Variants in TRPM6 observed in about 807,000 individuals in gnomAD.
TRPM6 encodes transient receptor potential cation channel subfamily M member 6.
In TRPM6, 111 loss-of-function variants were observed where a neutral mutation model predicts 247.6. That is an observed-to-expected ratio of 0.45 (90% CI 0.38 to 0.52). The LOEUF (loss-of-function observed/expected upper bound fraction) is 0.52. Among genes scored for constraint, TRPM6 ranks in the 20% least tolerant of loss-of-function variants. The probability of loss-of-function intolerance (pLI) is 0.00; values close to 1 mark genes in which losing one functional copy is unlikely to be tolerated. For synonymous variants in TRPM6, 892 were observed against 853.8 expected (o/e 1.04, Z -0.78); for missense variants, 2,126 against 2,421.5 (o/e 0.88, Z 2.56).
intron 6 of TRPM6, among the ~76,000 whole-genome samples, chr9:74,832,693 C>T (rs1453481949): frequency 4.6e-5 from 7 of 152,142 alleles, no homozygotes; most frequent in Admixed American, 1.3e-4. Context: ...GAGATAGGTA[C>T]ATAGAAAAGA....
rs373810979 is a variant in TRPM6 at position 74,738,643 on chromosome 9, C to T, written c.5571-31G>A. 923 of 1,592,762 alleles carry T rather than the reference C, an allele frequency of 5.8e-4. No homozygotes were observed. The Middle Eastern group carries it at 6.7e-3, about 11-fold the overall frequency. On this transcript the variant is annotated intron_variant, in intron 35 of 38. Transcript: ENST00000360774. Reference sequence around the variant, plus strand: ...AGGGAAAAAGAGGCCATTGATCCCCCACAATACAGCAAAAGTGGGACTTAC... The same window carrying T: ...AGGGAAAAAGAGGCCATTGATCCCCTACAATACAGCAAAAGTGGGACTTAC...
intron 3 of TRPM6, among the ~76,000 whole-genome samples, chr9:74,851,182 A>G (rs1220861661): frequency 6.6e-6 from 1 of 152,144 alleles, no homozygotes; most frequent in Non-Finnish European, 1.5e-5. Context: ...ATATATATTC[A>G]TGTTTGTCTC....
chr9:74,842,782 G>A (rs764666854), intron 3 of TRPM6, among the ~76,000 whole-genome samples: 21 of 152,240 alleles, frequency 1.4e-4, no homozygotes, highest in African/African-American at 4.1e-4. Context: ...GCTAAAAAAC[G>A]CTACCAACCA....
intron 1 of TRPM6, among the ~76,000 whole-genome samples, chr9:74,864,693 A>G (rs1425471532): frequency 6.6e-6 from 1 of 152,204 alleles, no homozygotes; most frequent in Non-Finnish European, 1.5e-5. Flanking sequence ...ATAATTCACA[A>G]TTCCCTAAAA....
chr9:74,830,297 G>GAA (rs201755179), intron 6 of TRPM6, among the ~76,000 whole-genome samples: 2 of 148,426 alleles, frequency 1.3e-5, no homozygotes, highest in African/African-American at 5.0e-5. Flanking sequence ...GGTAGAGCTT[G>GAA]AAAAAAAAAC....
intron 6 of TRPM6, among the ~76,000 whole-genome samples, chr9:74,828,651 T>TGGA (rs1447657077): frequency 1.3e-5 from 2 of 148,466 alleles, no homozygotes; most frequent in Non-Finnish European, 3.0e-5. Flanking sequence ...TTTTTTGAGA[T>TGGA]GGAGTCTTGC....
rs1285822943 is a variant in TRPM6 at position 74,724,000 on chromosome 9, T to A, written c.*613A>T. 6.6e-6 allele frequency: 1 copy of A among 151,582 alleles called. No homozygotes were observed. Among genetic ancestry groups the A allele is most frequent in the Non-Finnish European group, 1.5e-5 (1 of 68,138 alleles). The allele number at this position is 151,582 out of a possible 1,614,324, so 9.4% of individuals were successfully genotyped here. A position where few individuals can be genotyped will look rare whatever the true frequency, so the allele number is the denominator to read the frequency against. On this transcript the variant is annotated 3_prime_UTR_variant, in exon 39 of 39. Coordinates refer to ENST00000360774, the MANE Select transcript of TRPM6 (RefSeq NM_017662.5). ...CTGAAATATCCAGGCATCATATGAT[T>A]CACTGACAATATCTGAAACCCATCG...
chr9:74,806,758 A>G (rs1828540212), intron 14 of TRPM6, among the ~76,000 whole-genome samples: 1 of 152,238 alleles, frequency 6.6e-6, no homozygotes, highest in Non-Finnish European at 1.5e-5. Flanking sequence ...CAGCTACTAA[A>G]GAGCAAAATT....
Position 74,827,762 on chromosome 9 carries a change from C to A in TRPM6, c.841+16G>T. On this transcript the variant is annotated intron_variant, in intron 7 of 38. Coordinates refer to ENST00000360774, the MANE Select transcript of TRPM6 (RefSeq NM_017662.5). ...CCTGCAACCAGACTGGGTGACTGAG[C>A]CCCTGTGATACTCACGGCAGTGTAT... 2 of 1,613,780 alleles carry A rather than the reference C, an allele frequency of 1.2e-6. No individual in the cohort carries two copies. The highest frequency in any genetic ancestry group is 1.7e-6 in the Non-Finnish European group (2 of 1,179,788).
chr9:74,737,509 G>GGTTT, intron 36 of TRPM6: 12 of 980,568 alleles, frequency 1.2e-5, no homozygotes, highest in Non-Finnish European at 1.4e-5. Context: ...ACCATAAGAT[G>GGTTT]GTTATACCCT....
chr9:74,733,245 C>G (rs899813049), intron 36 of TRPM6, among the ~76,000 whole-genome samples: 9 of 150,928 alleles, frequency 6.0e-5, no homozygotes, highest in African/African-American at 2.2e-4. Flanking sequence ...TACTTGTACC[C>G]CCAAATATAT....
At chr9:74,886,390 G>T (rs1170155848) in intron 1 of TRPM6, among the ~76,000 whole-genome samples, 1 of 152,152 alleles carries the variant, frequency 6.6e-6, no homozygotes, top group African/African-American at 2.4e-5. Flanking sequence ...GTATACAGGG[G>T]GAAAGAAATT....
intron 1 of TRPM6, 142 bp downstream of exon 1, chr9:74,887,682 T>C (rs1237424210): frequency 6.2e-7 from 1 of 1,606,082 alleles, no homozygotes; most frequent in Non-Finnish European, 8.5e-7. Flanking sequence ...TGAAAGCCGG[T>C]ATTTCATAAA....
chr9:74,846,458 C>T (rs184895573), intron 3 of TRPM6, among the ~76,000 whole-genome samples: 293 of 152,278 alleles, frequency 1.9e-3, no homozygotes, highest in African/African-American at 6.7e-3. Context: ...GTATGAACTT[C>T]AGTGACACAT....
At chr9:74,831,841 C>T (rs1212300123) in intron 6 of TRPM6, among the ~76,000 whole-genome samples, 1 of 152,118 alleles carries the variant, frequency 6.6e-6, no homozygotes, top group Non-Finnish European at 1.5e-5. Flanking sequence ...TCAGCCCTTC[C>T]TATACAACTG....
intron 23 of TRPM6, among the ~76,000 whole-genome samples, chr9:74,779,233 C>T (rs1231365498): frequency 6.6e-6 from 1 of 152,106 alleles, no homozygotes; most frequent in Non-Finnish European, 1.5e-5. Flanking sequence ...ACTGAGATCA[C>T]ACCACTGCAC....
chr9:74,744,593 A>G (rs1825972977), intron 31 of TRPM6, among the ~76,000 whole-genome samples: 1 of 152,214 alleles, frequency 6.6e-6, no homozygotes, highest in South Asian at 2.1e-4. Context: ...TGCTGAAAAC[A>G]CATTAAAAGC....
At chr9:74,826,149 C>T (rs1031939547) in intron 7 of TRPM6, among the ~76,000 whole-genome samples, 1 of 152,214 alleles carries the variant, frequency 6.6e-6, no homozygotes, top group Non-Finnish European at 1.5e-5. Context: ...GTGCACCCAA[C>T]ACAATTCTAG....
chr9:74,845,792 A>C (rs1051820286), intron 3 of TRPM6, among the ~76,000 whole-genome samples: 1 of 152,012 alleles, frequency 6.6e-6, no homozygotes, highest in African/African-American at 2.4e-5. Flanking sequence ...ACATCACTGC[A>C]CTCCAGCCTG....
Sources: allele counts gnomAD v4.1 joint callset (sites outside exome capture counted in the v4.1 genomes callset), GRCh38; gene constraint gnomAD v4.1.1; transcripts MANE v1.5; gene names NCBI Gene and HGNC (gene_info 2026-07-23, HGNC 2026-07-21).